The following MYO1F variants were observed in gnomAD, a reference collection of about 807,000 sequenced individuals.
MYO1F encodes unconventional myosin-If.
In MYO1F, 60 loss-of-function variants were observed where a neutral mutation model predicts 146.6. The observed-to-expected ratio is 0.41, with a 90% confidence interval of 0.33 to 0.51. The LOEUF (loss-of-function observed/expected upper bound fraction) is 0.51. MYO1F is among the 20% of genes least tolerant of loss of function. The pLI, the probability that MYO1F is intolerant of heterozygous loss-of-function variation, is 0.25. For missense variants in MYO1F, 1,274 were observed against 1,534.3 expected (o/e 0.83, Z 2.83); for synonymous variants, 602 against 602.1 (o/e 1.00, Z 0.00).
Position 8,530,059 on chromosome 19 carries a change from C to T in MYO1F, c.2328+137G>A, listed in dbSNP as rs536077076. 64 of 1,222,064 alleles carry T rather than the reference C, an allele frequency of 5.2e-5. No individual in the cohort carries two copies. The South Asian group carries it at 7.4e-4, about 14-fold the overall frequency. The allele number at this position is 1,222,064 out of a possible 1,614,324, so 75.7% of individuals were successfully genotyped here. A position where few individuals can be genotyped will look rare whatever the true frequency, so the allele number is the denominator to read the frequency against. On this transcript the variant is annotated intron_variant, in intron 21 of 27. Transcript: ENST00000644032. This position sits in a 1 kb window ranked among gnomAD's most constrained non-coding sequence, Gnocchi z 5.8. Reference sequence around the variant, plus strand: ...ATGCCTGTGGGCAGGTGCATATGGGCCAGGTGAGGGTGTACCTGTGATGGA... The same window carrying T: ...ATGCCTGTGGGCAGGTGCATATGGGTCAGGTGAGGGTGTACCTGTGATGGA...
intron 1 of MYO1F, among the ~76,000 whole-genome samples, chr19:8,559,721 G>C (rs953642381): frequency 6.6e-6 from 1 of 151,946 alleles, no homozygotes; most frequent in East Asian, 1.9e-4. Flanking sequence ...AGGCCGAGGC[G>C]GGGAGATCAT....
In MYO1F at chr19:8,547,993, C is replaced by T; in HGVS notation, c.1269+43G>A. ...GATCCTCATGGTCCTTCCACCCCAC[C>T]CCCACCCCAGGATCCCCCATCCCTG... On this transcript the variant is annotated intron_variant, in intron 12 of 27. Coordinates refer to ENST00000644032, the MANE Select transcript of MYO1F (RefSeq NM_012335.4). The T allele has an allele frequency of 4.8e-6, 5 of 1,050,758 alleles. 1 individual carries two copies. Among genetic ancestry groups the T allele is most frequent in the Non-Finnish European group, 7.4e-6 (5 of 672,908 alleles). 65.1% of individuals were successfully genotyped at this position (1,050,758 alleles called of 1,614,324 possible).
At chr19:8,528,569 CAAAAAA>C (rs1163590903) in intron 21 of MYO1F, among the ~76,000 whole-genome samples, 1 of 151,776 alleles carries the variant, frequency 6.6e-6, no homozygotes, top group Non-Finnish European at 1.5e-5. Context: ...CTCAAAAAAA[CAAAAAA>C]GAAAAACAAA....
intron 1 of MYO1F, among the ~76,000 whole-genome samples, chr19:8,558,150 C>T (rs1973934590): frequency 6.6e-6 from 1 of 151,790 alleles, no homozygotes; most frequent in Non-Finnish European, 1.5e-5. Context: ...TTTCCTCTCT[C>T]AGTTTTTCTT....
At chr19:8,559,646 G>A (rs1280188730) in intron 1 of MYO1F, among the ~76,000 whole-genome samples, 1 of 151,928 alleles carries the variant, frequency 6.6e-6, no homozygotes, top group African/African-American at 2.4e-5. Context: ...CGAGGCTGAG[G>A]GGCATTTGAA....
Position 8,526,811 on chromosome 19 carries a change from G to C in MYO1F, c.2599C>G (p.Leu867Val). 6.2e-7 allele frequency: 1 copy of C among 1,612,834 alleles called. No individual in the cohort carries two copies. Among genetic ancestry groups the C allele is most frequent in the Non-Finnish European group, 8.5e-7 (1 of 1,179,620 alleles). ...KRFEEATRRP[L>V]PLTFSDTLQF... ...TACGTGTCGCTGAAGGTGAGGGGCAGGGGCCTCCGCGTCGCCTCCTCGAAG... is the reference window on the plus strand; with the variant it reads ...TACGTGTCGCTGAAGGTGAGGGGCACGGGCCTCCGCGTCGCCTCCTCGAAG... The change falls in exon 23 of 28, where the codon CTG becomes GTG. Residue 867 changes from leucine (L) to valine (V), a missense_variant. By Grantham distance (32) the Leu-to-Val change is conservative. This residue lies in a region of MYO1F where 374 missense variants were observed against 379.2 expected (regional missense o/e 0.99). Transcript: ENST00000644032.
intron 15 of MYO1F, among the ~76,000 whole-genome samples, chr19:8,541,488 G>A (rs1033531629): frequency 6.8e-6 from 1 of 147,324 alleles, no homozygotes; most frequent in Non-Finnish European, 1.5e-5. Context: ...GAGTGCAGTG[G>A]CACAATCTTG....
chr19:8,543,936 G>GTGC (rs1973182950), intron 14 of MYO1F: 1 of 264,294 alleles, frequency 3.8e-6, no homozygotes, highest in African/African-American at 4.6e-5. Flanking sequence ...GGTGGTGGTG[G>GTGC]TGCTGGTGGT....
intron 10 of MYO1F, chr19:8,549,879 C>G: frequency 3.7e-6 from 2 of 538,556 alleles, no homozygotes; most frequent in South Asian, 2.0e-5. Flanking sequence ...TAGCTCACTG[C>G]AGCCCCAACC....
chr19:8,558,406 T>TCCA (rs1486917299), intron 1 of MYO1F, among the ~76,000 whole-genome samples: 1 of 151,864 alleles, frequency 6.6e-6, no homozygotes, highest in Admixed American at 6.6e-5. Flanking sequence ...CCTCAAGTGA[T>TCCA]CCTCCCACCT....
chr19:8,559,952 GAAAA>G (rs60369992), intron 1 of MYO1F, among the ~76,000 whole-genome samples: 1 of 108,516 alleles, frequency 9.2e-6, no homozygotes, highest in East Asian at 2.7e-4. Context: ...CTCCATCTCA[GAAAA>G]AAAAAAAAAA....
chr19:8,534,439 C>T (rs1372328645), intron 19 of MYO1F, among the ~76,000 whole-genome samples: 1 of 151,322 alleles, frequency 6.6e-6, no homozygotes, highest in African/African-American at 2.4e-5. Context: ...TCCCAGGTAG[C>T]TGGGATTACA....
rs181794463 is a variant in MYO1F at position 8,544,031 on chromosome 19, G to A, written c.1524+266C>T. On this transcript the variant is annotated intron_variant, in intron 14 of 27. Coordinates refer to ENST00000644032, the MANE Select transcript of MYO1F (RefSeq NM_012335.4). ...CGGTGGCGGTGGCGGTGGCGGTGGC[G>A]GTGGCGGTGCTGGTGGTGGTGGTGG... 3.3e-3 allele frequency: 1,767 copies of A among 531,518 alleles called. 30 individuals are homozygous for A. Among genetic ancestry groups the A allele is most frequent in the South Asian group, 0.013 (598 of 46,930 alleles). 32.9% of individuals were successfully genotyped at this position (531,518 alleles called of 1,614,324 possible).
chr19:8,574,595 CTCTTTCTTTCTTTCTTTCTTTCTT>C lies in MYO1F; in HGVS notation c.3+2688_3+2711del, dbSNP rs58145523. ...TCTTTCTTTCTCTCTCTCTCTCTCT[CTCTTTCTTTCTTTCTTTCTTTCTT>C]TCTTTCTTTCTTTCTTTCTTTCTTT... On this transcript the variant is annotated intron_variant, in intron 1 of 27. Transcript: ENST00000644032. Among the ~76,000 whole-genome samples the C allele has an allele frequency of 4.5e-3, 474 of 105,904 alleles. 6 individuals carry two copies. Among genetic ancestry groups the C allele is most frequent in the African/African-American group, 0.019 (440 of 23,576 alleles). 69.5% of individuals were successfully genotyped at this position (105,904 alleles called of 152,430 possible).
chr19:8,552,223 G>C (rs1023174305), intron 6 of MYO1F, 59 bp from the exon 7 acceptor site: 2 of 1,591,934 alleles, frequency 1.3e-6, no homozygotes, highest in Non-Finnish European at 1.7e-6. Flanking sequence ...TGGGGGAAGG[G>C]TTGGGGATGG....
intron 16 of MYO1F, among the ~76,000 whole-genome samples, chr19:8,537,632 C>T (rs1972784388): frequency 6.6e-6 from 1 of 151,976 alleles, no homozygotes; most frequent in Non-Finnish European, 1.5e-5. Context: ...CAGGGTTTTG[C>T]CATGTTGGTC....
intron 21 of MYO1F, among the ~76,000 whole-genome samples, chr19:8,528,894 G>A (rs1407951733): frequency 6.6e-6 from 1 of 151,954 alleles, no homozygotes. Context: ...GGTGTACCTG[G>A]TAGAAGGGTG....
chr19:8,562,266 A>G (rs1568369977), intron 1 of MYO1F, among the ~76,000 whole-genome samples: 2 of 151,084 alleles, frequency 1.3e-5, no homozygotes. Context: ...CTCACAAAGC[A>G]CTGGGATTAT....
At chr19:8,555,546 C>T (rs1973812753) in intron 2 of MYO1F, 113 bp downstream of exon 2, 2 of 1,467,804 alleles carry the variant, frequency 1.4e-6, no homozygotes, top group Non-Finnish European at 9.5e-7. Context: ...TGTGTCACCA[C>T]TTGGTGCTCT....
Sources: gnomAD v4.1 joint callset for allele counts (sites outside exome capture counted in the v4.1 genomes callset) on GRCh38, gnomAD v4.1.1 for gene constraint, gnomAD v4.1.1 regional missense constraint, Gnocchi (gnomAD v3.1) non-coding constraint, MANE v1.5 for transcripts, NCBI Gene and HGNC (gene_info 2026-07-23, HGNC 2026-07-21) for gene names.